Variants in ESRRB observed in about 807,000 individuals in gnomAD.
ESRRB encodes estrogen related receptor beta.
A neutral mutation model predicts 46.0 loss-of-function variants in ESRRB; 16 were observed. That is an observed-to-expected ratio of 0.35 (90% CI 0.24 to 0.53). The LOEUF (loss-of-function observed/expected upper bound fraction) is 0.53, where lower values mean the gene tolerates loss of function less well. Ranked by LOEUF, ESRRB falls within the 20% of genes least tolerant of loss-of-function variation. The pLI, the probability that ESRRB is intolerant of heterozygous loss-of-function variation, is 0.93. For synonymous variants in ESRRB, 246 were observed against 259.6 expected (o/e 0.95, Z 0.50); for missense variants, 488 against 607.4 (o/e 0.80, Z 2.07).
chr14:76,500,567 C>T lies in ESRRB; in HGVS notation c.*2109C>T. On this transcript the variant is annotated 3_prime_UTR_variant, in exon 7 of 7. Coordinates refer to ENST00000644823, the MANE Select transcript of ESRRB (RefSeq NM_001379180.1). ...GTGTGTGCTTTGGGACTCCCTCAGT[C>T]TCTCACTGTGCTGTGTCCTTGCAGC... 1.1e-6 allele frequency: 1 copy of T among 905,108 alleles called. No individual in the cohort carries two copies. Among genetic ancestry groups the T allele is most frequent in the Non-Finnish European group, 1.8e-6 (1 of 546,682 alleles). 56.1% of individuals were successfully genotyped at this position (905,108 alleles called of 1,614,324 possible).
intron 1 of ESRRB, among the ~76,000 whole-genome samples, chr14:76,360,697 AC>A: frequency 6.6e-6 from 1 of 152,040 alleles, no homozygotes; most frequent in African/African-American, 2.4e-5. Context: ...GGCAGATATA[AC>A]CCCAAGTCCA....
chr14:76,447,079 T>C (rs1888177749), intron 2 of ESRRB, among the ~76,000 whole-genome samples: 1 of 152,198 alleles, frequency 6.6e-6, no homozygotes, highest in Non-Finnish European at 1.5e-5. Context: ...TTCCGTTCAC[T>C]GATTCCGCAG....
upstream of ESRRB, among the ~76,000 whole-genome samples, chr14:76,369,865 C>T (rs1884578726): frequency 6.6e-6 from 1 of 152,116 alleles, no homozygotes; most frequent in Non-Finnish European, 1.5e-5. Flanking sequence ...CCGAAAGTTT[C>T]CCATATTTTG....
intron 1 of ESRRB, among the ~76,000 whole-genome samples, chr14:76,410,170 G>A (rs565402820): frequency 2.6e-5 from 4 of 152,336 alleles, no homozygotes; most frequent in African/African-American, 9.6e-5. Flanking sequence ...GTTGCAGTGA[G>A]CTGAGTTCAT....
intron 2 of ESRRB, among the ~76,000 whole-genome samples, chr14:76,451,636 T>C (rs1888383438): frequency 6.6e-6 from 1 of 152,070 alleles, no homozygotes; most frequent in African/African-American, 2.4e-5. Flanking sequence ...ATTTTATTTA[T>C]TTATTTTTGA....
intron 1 of ESRRB, among the ~76,000 whole-genome samples, chr14:76,384,258 T>G (rs746470192): frequency 3.3e-5 from 5 of 152,270 alleles, no homozygotes; most frequent in South Asian, 4.2e-4. Context: ...GAACACTGCT[T>G]TTACAGAAAT....
upstream of ESRRB, among the ~76,000 whole-genome samples, chr14:76,368,482 G>T (rs1884553119): frequency 6.6e-6 from 1 of 152,232 alleles, no homozygotes; most frequent in African/African-American, 2.4e-5. Flanking sequence ...CTGCATCACT[G>T]CTCTCCAACC....
At chr14:76,323,214 C>T (rs1477772880) in intron 1 of ESRRB, among the ~76,000 whole-genome samples, 1 of 152,044 alleles carries the variant, frequency 6.6e-6, no homozygotes, top group African/African-American at 2.4e-5. Flanking sequence ...TTTTTTGTCT[C>T]TAGAGCATTC....
At chr14:76,434,930 C>G (rs1351969646) in intron 1 of ESRRB, among the ~76,000 whole-genome samples, 2 of 152,066 alleles carry the variant, frequency 1.3e-5, no homozygotes, top group Non-Finnish European at 2.9e-5. Flanking sequence ...TTTTCCTTCT[C>G]CCAGGACTCA....
At chr14:76,388,629 C>A (rs1885342312) in intron 1 of ESRRB, among the ~76,000 whole-genome samples, 1 of 152,132 alleles carries the variant, frequency 6.6e-6, no homozygotes, top group Admixed American at 6.6e-5. Context: ...AATTGCTGCA[C>A]AGAGTCAGAC....
chr14:76,440,547 A>ATCTTCCTTCCTT (rs1887875723), intron 2 of ESRRB, among the ~76,000 whole-genome samples: 10 of 150,990 alleles, frequency 6.6e-5, no homozygotes, highest in Admixed American at 6.6e-4. Flanking sequence ...TTTAAGACCG[A>ATCTTCCTTCCTT]CCTTCCTTCA....
chr14:76,313,513 C>G (rs1010659467), intron 1 of ESRRB, among the ~76,000 whole-genome samples: 1 of 152,134 alleles, frequency 6.6e-6, no homozygotes, highest in Non-Finnish European at 1.5e-5. Flanking sequence ...CAGTCCTGAC[C>G]TCCTCCCAAA....
chr14:76,449,085 A>AAAG (rs1239083453), intron 2 of ESRRB, among the ~76,000 whole-genome samples: 1 of 152,072 alleles, frequency 6.6e-6, no homozygotes, highest in East Asian at 1.9e-4. Flanking sequence ...TGCTATCCCT[A>AAAG]AAGTTTTTTT....
At position 76,463,603 on chromosome 14, in the gene ESRRB, C is replaced by T. The variant is rs183215582; in HGVS notation, c.577+942C>T. On this transcript the variant is annotated intron_variant, in intron 3 of 6. Coordinates refer to ENST00000644823, the MANE Select transcript of ESRRB (RefSeq NM_001379180.1). ...CTGGGACTACAGGCGCCCGCCACCT[C>T]GCCCGGCTAATTTTTTTGTATTTTT... is the stretch of plus-strand genomic sequence containing the variant. Among the ~76,000 whole-genome samples the T allele has an allele frequency of 4.6e-3, 692 of 151,812 alleles. 11 individuals carry two copies. The highest frequency in any genetic ancestry group is 0.016 in the African/African-American group (661 of 41,356).
At chr14:76,496,537 T>C (rs1441597499) in intron 6 of ESRRB, among the ~76,000 whole-genome samples, 1 of 109,786 alleles carries the variant, frequency 9.1e-6, no homozygotes, top group Non-Finnish European at 2.1e-5. Context: ...TGTGAAGGGA[T>C]TGGATTGTGA....
At position 76,352,310 on chromosome 14, in the gene ESRRB, G is replaced by A. The variant is rs139258344; in HGVS notation, c.2+41394G>A. Among the ~76,000 whole-genome samples, 40 of 152,324 alleles carry A rather than the reference G, an allele frequency of 2.6e-4. No individual in the cohort carries two copies. In the East Asian group the frequency reaches 7.5e-3, roughly 29 times the overall value. ...GTTCCCAGCATGCAGTAAGTGTTCA[G>A]TACATGTTAATTAAATCAGAACCTG... On this transcript the variant is annotated intron_variant, in intron 1 of 6. Coordinates refer to the ESRRB transcript ENST00000512784.
At chr14:76,445,707 CAG>C (rs1566902983) in intron 2 of ESRRB, among the ~76,000 whole-genome samples, 2 of 136,298 alleles carry the variant, frequency 1.5e-5, no homozygotes, top group African/African-American at 5.7e-5. Flanking sequence ...TTTTTTGAGA[CAG>C]AGTCTCGCTC....
In ESRRB at chr14:76,498,886, T is replaced by A; in HGVS notation, c.*428T>A. On this transcript the variant is annotated 3_prime_UTR_variant, in exon 7 of 7. Transcript: ENST00000644823. ...GGCACTGCTCAGGCTGGATACCACCTGGAGGTTTTCCTTCCGCAGAGGGCA... is the reference window on the plus strand; with the variant it reads ...GGCACTGCTCAGGCTGGATACCACCAGGAGGTTTTCCTTCCGCAGAGGGCA... 1.9e-6 allele frequency: 1 copy of A among 536,646 alleles called. No homozygotes were observed. The highest frequency in any genetic ancestry group is 1.4e-5 in the South Asian group (1 of 71,390). 33.2% of individuals were successfully genotyped at this position (536,646 alleles called of 1,614,324 possible).
chr14:76,378,033 G>C (rs1182846457), intron 1 of ESRRB, among the ~76,000 whole-genome samples: 1 of 152,118 alleles, frequency 6.6e-6, no homozygotes, highest in South Asian at 2.1e-4. Flanking sequence ...GTGGGGATGG[G>C]GTGGGAGCAC....
Sources: allele counts gnomAD v4.1 joint callset (sites outside exome capture counted in the v4.1 genomes callset), GRCh38; gene constraint gnomAD v4.1.1; transcripts MANE v1.5; gene names NCBI Gene and HGNC (gene_info 2026-07-23, HGNC 2026-07-21).